Variants in PACS2 observed in about 807,000 individuals in gnomAD.
PACS2 encodes phosphofurin acidic cluster sorting protein 2, also known as PACS1-like protein.
PACS2 carries 36 observed loss-of-function variants against 113.0 expected under a neutral mutation model. The observed-to-expected ratio is 0.32, with a 90% CI of 0.24 to 0.42. The LOEUF (loss-of-function observed/expected upper bound fraction) is 0.42, where lower values mean the gene tolerates loss of function less well. Among genes scored for constraint, PACS2 ranks in the 10% least tolerant of loss-of-function variants. The pLI is 1.00. For missense variants in PACS2, 1,015 were observed against 1,239.5 expected (o/e 0.82, Z 2.72); for synonymous variants, 589 against 536.1 (o/e 1.10, Z -1.36).
intron 9 of PACS2, among the ~76,000 whole-genome samples, chr14:105,377,262 T>C (rs2141212171): frequency 6.6e-6 from 1 of 152,194 alleles, no homozygotes; most frequent in East Asian, 1.9e-4. Context: ...CCCTGGGAAC[T>C]GCAGGGGACC....
chr14:105,328,039 C>G (rs1172704750), intron 1 of PACS2, among the ~76,000 whole-genome samples: 3 of 152,256 alleles, frequency 2.0e-5, no homozygotes, highest in Admixed American at 2.0e-4. Flanking sequence ...AACAGTGCCT[C>G]CCCCCAGGAT....
At chr14:105,362,274 T>C (rs143301387) in intron 4 of PACS2, among the ~76,000 whole-genome samples, 12,939 of 136,220 alleles carry the variant, frequency 0.095, 1,662 homozygotes, top group African/African-American at 0.3. Context: ...AAAAATTAGC[T>C]GGGCGTGGTG....
chr14:105,353,843 C>T (rs587744347), intron 3 of PACS2, among the ~76,000 whole-genome samples: 1 of 152,254 alleles, frequency 6.6e-6, no homozygotes, highest in East Asian at 1.9e-4. Context: ...CTGCCTGCCT[C>T]GGCCTCTCAA....
intron 1 of PACS2, among the ~76,000 whole-genome samples, chr14:105,341,047 AC>A (rs1450148735): frequency 4.6e-5 from 7 of 152,298 alleles, no homozygotes; most frequent in Admixed American, 2.0e-4. Context: ...ACATAGAGAC[AC>A]CCGCTCCTGA....
At chr14:105,326,683 C>T (rs903647481) in intron 1 of PACS2, among the ~76,000 whole-genome samples, 1 of 152,216 alleles carries the variant, frequency 6.6e-6, no homozygotes, top group Non-Finnish European at 1.5e-5. Flanking sequence ...CCACCTCAAG[C>T]CTGGGGTGTG....
intron 1 of PACS2, among the ~76,000 whole-genome samples, chr14:105,344,264 T>G (rs1396004061): frequency 6.2e-4 from 93 of 151,152 alleles, no homozygotes; most frequent in African/African-American, 2.2e-3. Context: ...TTTTTTTGTT[T>G]TGTTTTGTTT....
intron 24 of PACS2, chr14:105,394,282 T>A: frequency 6.1e-6 from 6 of 985,208 alleles, no homozygotes; most frequent in Non-Finnish European, 7.2e-6. Context: ...GGTCTGCTCC[T>A]TCCACCTGCA....
Position 105,380,099 on chromosome 14 carries a change from C to G in PACS2, c.1070C>G (p.Thr357Arg), listed in dbSNP as rs782633525. 1.2e-5 allele frequency: 18 copies of G among 1,553,038 alleles called. No homozygotes were observed. The highest frequency in any genetic ancestry group is 1.6e-5 in the Non-Finnish European group (18 of 1,148,098). ...CCACAGGCTGACGTGCCCGAGAAGA[C>G]GCGGTCCCTGGGAGGCAGGCAGCCG... ...PPSPADVPEK[T>R]RSLGGRQPSD... The change falls in exon 11 of 25, where the codon ACG (threonine) becomes AGG (arginine). Residue 357 changes from threonine to arginine, a missense_variant. Physicochemically the swap from Thr to Arg is moderately conservative, Grantham distance 71. Coordinates refer to ENST00000447393, the MANE Select transcript of PACS2 (RefSeq NM_001100913.3).
chr14:105,321,721 C>G (rs1045072834), intron 1 of PACS2, among the ~76,000 whole-genome samples: 4 of 145,022 alleles, frequency 2.8e-5, no homozygotes, highest in Admixed American at 6.6e-5. Flanking sequence ...AATTGTAATT[C>G]TAGGTATTTT....
At chr14:105,313,117 C>T (rs1027681005), upstream of PACS2, among the ~76,000 whole-genome samples, 10 of 152,190 alleles carry the variant, frequency 6.6e-5, no homozygotes, top group African/African-American at 2.2e-4. Flanking sequence ...CCCGCATCTC[C>T]TCACTTGACC....
chr14:105,339,868 T>G (rs2059661120), intron 1 of PACS2, among the ~76,000 whole-genome samples: 1 of 152,208 alleles, frequency 6.6e-6, no homozygotes, highest in South Asian at 2.1e-4. Flanking sequence ...GGTTTCAAAC[T>G]CCTGACCTCA....
At chr14:105,394,439 C>A in intron 24 of PACS2, 115 bp from the exon 25 acceptor site, 2 of 1,526,184 alleles carry the variant, frequency 1.3e-6, no homozygotes, top group South Asian at 2.4e-5. Flanking sequence ...CAGCATGGGG[C>A]TCCTTCTCAT....
rs990882073 is a variant in PACS2 at position 105,309,218 on chromosome 14, T to C, written c.-83+8239T>C. Among the ~76,000 whole-genome samples, 4 of 152,154 alleles carry C rather than the reference T, an allele frequency of 2.6e-5. No homozygotes were observed. Among genetic ancestry groups the C allele is most frequent in the African/African-American group, 4.8e-5 (2 of 41,436 alleles). ...TTCTATTGTGGGAAAGAAAGAAGTG[T>C]TAAAATTTATGCATCAAGGTCCCTC... On this transcript the variant is annotated intron_variant, in intron 1 of 23. Transcript: ENST00000430725. This position sits in a 1 kb window ranked among gnomAD's most constrained non-coding sequence, Gnocchi z 4.0.
chr14:105,328,044 C>T (rs891327253), intron 1 of PACS2, among the ~76,000 whole-genome samples: 3 of 152,286 alleles, frequency 2.0e-5, no homozygotes, highest in African/African-American at 7.2e-5. Flanking sequence ...TGCCTCCCCC[C>T]AGGATTCGTC....
chr14:105,316,284 A>T (rs1035342117), intron 1 of PACS2, among the ~76,000 whole-genome samples: 1 of 152,248 alleles, frequency 6.6e-6, no homozygotes, highest in Non-Finnish European at 1.5e-5. Context: ...CGAGCACTGC[A>T]GATGTGCCTG....
intron 9 of PACS2, among the ~76,000 whole-genome samples, chr14:105,379,428 C>T (rs1267451094): frequency 6.6e-6 from 1 of 152,224 alleles, no homozygotes; most frequent in East Asian, 1.9e-4. Context: ...GGCAGCCTTG[C>T]CTGGAGCTAA....
rs2060343524 is a variant in PACS2 at position 105,354,226 on chromosome 14, A to G, written c.298-826A>G. Among the ~76,000 whole-genome samples the G allele has an allele frequency of 6.6e-6, 1 of 152,142 alleles. No homozygotes were observed. The highest frequency in any genetic ancestry group is 2.4e-5 in the African/African-American group (1 of 41,440). ...CTCTTCGGGAGGCTGAGGCAGGAGG[A>G]TTGCTTGAACCCAGGAGGTGGAGGT... On this transcript the variant is annotated intron_variant, in intron 3 of 24. Coordinates refer to ENST00000447393, the MANE Select transcript of PACS2 (RefSeq NM_001100913.3). This position sits in a 1 kb window ranked among gnomAD's most constrained non-coding sequence, Gnocchi z 4.2.
chr14:105,342,820 A>C (rs768755829), intron 1 of PACS2, among the ~76,000 whole-genome samples: 145 of 151,742 alleles, frequency 9.6e-4, no homozygotes, highest in South Asian at 3.1e-3. Context: ...CTGTAGTCCC[A>C]GCTACTCAGG....
chr14:105,392,962 G>A (rs782472014), intron 23 of PACS2, 117 bp downstream of exon 23: 91 of 790,246 alleles, frequency 1.2e-4, no homozygotes, highest in Middle Eastern at 3.6e-4. Context: ...GCCCACATGC[G>A]CAGGCAGGGG....
Sources: gnomAD v4.1 joint callset for allele counts (sites outside exome capture counted in the v4.1 genomes callset) on GRCh38, gnomAD v4.1.1 for gene constraint, Gnocchi (gnomAD v3.1) non-coding constraint, MANE v1.5 for transcripts, NCBI Gene and HGNC (gene_info 2026-07-23, HGNC 2026-07-21) for gene names.